WWOX: variants seen among roughly 807,000 people sequenced by gnomAD.
WWOX encodes WW domain-containing oxidoreductase.
In WWOX, 69 loss-of-function variants were observed where a neutral mutation model predicts 46.2. The observed-to-expected ratio is 1.49, with a 90% CI of 1.23 to 1.82. WWOX has a LOEUF of 1.82. WWOX is among the 40% of genes most tolerant of loss of function. The pLI, the probability that WWOX is intolerant of heterozygous loss-of-function variation, is 0.00. For synonymous variants in WWOX, 359 were observed against 202.6 expected (o/e 1.77, Z -6.56); for missense variants, 919 against 542.6 (o/e 1.69, Z -6.89).
intron 8 of WWOX, among the ~76,000 whole-genome samples, chr16:79,002,013 G>C (rs2047102651): frequency 6.6e-6 from 1 of 152,080 alleles, no homozygotes; most frequent in Non-Finnish European, 1.5e-5. Flanking sequence ...TAGGGGTCTG[G>C]GGTAACCACA....
At chr16:79,034,735 G>A (rs548275633) in intron 8 of WWOX, among the ~76,000 whole-genome samples, 2 of 151,694 alleles carry the variant, frequency 1.3e-5, no homozygotes, top group South Asian at 4.2e-4. Flanking sequence ...TCTGATCAGA[G>A]CATACCTGCC....
At chr16:78,963,310 AT>A (rs774843761) in intron 8 of WWOX, among the ~76,000 whole-genome samples, 9 of 150,564 alleles carry the variant, frequency 6.0e-5, no homozygotes, top group Non-Finnish European at 9.0e-5. Context: ...CTCTTCAAAA[AT>A]AAAAAAAATT....
chr16:78,822,959 A>C (rs2051544988), intron 8 of WWOX, among the ~76,000 whole-genome samples: 1 of 152,230 alleles, frequency 6.6e-6, no homozygotes, highest in South Asian at 2.1e-4. Flanking sequence ...AGAAACAGAG[A>C]AAAGAGGCTT....
intron 8 of WWOX, among the ~76,000 whole-genome samples, chr16:78,570,580 C>T (rs1034530537): frequency 6.6e-6 from 1 of 152,170 alleles, no homozygotes; most frequent in East Asian, 1.9e-4. Flanking sequence ...TCTCAAAGTA[C>T]AGGGATTATA....
At chr16:78,746,595 T>C (rs1043202984) in intron 8 of WWOX, among the ~76,000 whole-genome samples, 6 of 152,036 alleles carry the variant, frequency 3.9e-5, no homozygotes, top group Non-Finnish European at 8.8e-5. Context: ...CTTGGCCTTG[T>C]AATTTTTTTT....
At position 78,696,284 on chromosome 16, in the gene WWOX, C is replaced by G. The variant is rs550575259; in HGVS notation, c.1056+263532C>G. The stretch of plus-strand genomic sequence containing the variant: ...TGCCACATCACGGGATTTTCTACAG[C>G]TCATATTGGTTACAGTGATAGCAGC... On this transcript the variant is annotated intron_variant, in intron 8 of 8. Coordinates refer to ENST00000566780, the MANE Select transcript of WWOX (RefSeq NM_016373.4). 6.6e-5 allele frequency among the ~76,000 whole-genome samples: 10 copies of G among 152,274 alleles called. No homozygotes were observed. In the South Asian group the frequency reaches 2.1e-3, roughly 32 times the overall value.
At chr16:79,021,901 C>T (rs1251538779) in intron 8 of WWOX, among the ~76,000 whole-genome samples, 2 of 152,212 alleles carry the variant, frequency 1.3e-5, no homozygotes, top group African/African-American at 4.8e-5. Context: ...CCAGGATGAG[C>T]TGGGACCAAC....
chr16:78,230,466 A>G (rs2037221019), intron 5 of WWOX, among the ~76,000 whole-genome samples: 1 of 152,220 alleles, frequency 6.6e-6, no homozygotes, highest in African/African-American at 2.4e-5. Flanking sequence ...AGTTTTAAGC[A>G]TGGGAAATCA....
chr16:78,747,395 C>A (rs1201885614), intron 8 of WWOX, among the ~76,000 whole-genome samples: 1 of 152,020 alleles, frequency 6.6e-6, no homozygotes, highest in Non-Finnish European at 1.5e-5. Flanking sequence ...ATATCACTTT[C>A]TCAGAGGCCT....
chr16:78,713,243 T>C (rs1111229), intron 8 of WWOX, among the ~76,000 whole-genome samples: 9,553 of 133,576 alleles, frequency 0.072, 670 homozygotes, highest in African/African-American at 0.2. Context: ...CACTGCACTT[T>C]AGCCTGGGTG....
intron 8 of WWOX, chr16:79,016,355 C>A (rs996266947): frequency 6.6e-6 from 1 of 152,202 alleles, no homozygotes; most frequent in African/African-American, 2.4e-5. Flanking sequence ...AGTCTTCTTC[C>A]CATTGCATGT....
chr16:78,393,455 G>A (rs1315662133), intron 6 of WWOX, among the ~76,000 whole-genome samples: 1 of 151,780 alleles, frequency 6.6e-6, no homozygotes, highest in Non-Finnish European at 1.5e-5. Flanking sequence ...GCCCAGAAAC[G>A]TGAGACCAGC....
chr16:78,209,487 C>T (rs7500549), intron 5 of WWOX, among the ~76,000 whole-genome samples: 82,431 of 152,054 alleles, frequency 0.54, 23,428 homozygotes, highest in African/African-American at 0.74. Flanking sequence ...TTGTCTTAGG[C>T]CCAAAGTGAA....
chr16:79,147,105 A>C (rs529513815), intron 8 of WWOX, among the ~76,000 whole-genome samples: 1 of 152,208 alleles, frequency 6.6e-6, no homozygotes, highest in African/African-American at 2.4e-5. Flanking sequence ...TCAAGTGTGT[A>C]TATGTGTGTC....
chr16:78,922,903 A>G (rs537552232), intron 8 of WWOX, among the ~76,000 whole-genome samples: 1 of 152,222 alleles, frequency 6.6e-6, no homozygotes, highest in South Asian at 2.1e-4. Flanking sequence ...AGAACTTAAA[A>G]CTAAATTTTT....
chr16:78,393,268 C>G (rs2082214384), intron 6 of WWOX, among the ~76,000 whole-genome samples: 1 of 152,188 alleles, frequency 6.6e-6, no homozygotes, highest in South Asian at 2.1e-4. Flanking sequence ...CTAGCAGTAG[C>G]TGCTTAGTCT....
At chr16:78,938,287 C>T (rs888501490) in intron 8 of WWOX, among the ~76,000 whole-genome samples, 1 of 152,166 alleles carries the variant, frequency 6.6e-6, no homozygotes, top group Admixed American at 6.5e-5. Context: ...GTTGCCCAGA[C>T]CCTACCTTTT....
chr16:78,214,764 G>C (rs2036664051), intron 5 of WWOX, among the ~76,000 whole-genome samples: 1 of 150,128 alleles, frequency 6.7e-6, no homozygotes, highest in Admixed American at 6.7e-5. Context: ...GTCTTTATTT[G>C]TTTCTTAATG....
chr16:78,254,499 C>CTTTTTTTTTTTTTTT (rs1597405923), intron 5 of WWOX, among the ~76,000 whole-genome samples: 3 of 52,134 alleles, frequency 5.8e-5, no homozygotes, highest in African/African-American at 2.4e-4. Flanking sequence ...TCTTTTCTTT[C>CTTTTTTTTTTTTTTT]TTGTTTTTTT....
Sources: allele counts gnomAD v4.1 joint callset (sites outside exome capture counted in the v4.1 genomes callset), GRCh38; gene constraint gnomAD v4.1.1; transcripts MANE v1.5; gene names NCBI Gene and HGNC (gene_info 2026-07-23, HGNC 2026-07-21).